Variants in FAM3B observed in about 807,000 individuals in gnomAD.
The protein encoded by FAM3B is FAM3 metabolism regulating signaling molecule B.
A neutral mutation model predicts 28.4 loss-of-function variants in FAM3B; 29 were observed. That is an observed-to-expected ratio of 1.02 (90% CI 0.76 to 1.39). The LOEUF (loss-of-function observed/expected upper bound fraction) is 1.39. Ranked by LOEUF, FAM3B falls within the 40% of genes most tolerant of loss-of-function variation. The pLI is 0.00. For missense variants in FAM3B, 266 were observed against 293.9 expected (o/e 0.91, Z 0.69); for synonymous variants, 91 against 103.0 (o/e 0.88, Z 0.71).
intron 2 of FAM3B, among the ~76,000 whole-genome samples, chr21:41,328,107 G>A (rs528915890): frequency 1.3e-5 from 2 of 152,332 alleles, no homozygotes; most frequent in Admixed American, 6.5e-5. Context: ...CTGTCTTGCT[G>A]AGAACAGCAC....
chr21:41,317,873 C>T (rs985951350), intron 1 of FAM3B, among the ~76,000 whole-genome samples: 4 of 152,062 alleles, frequency 2.6e-5, no homozygotes, highest in South Asian at 4.1e-4. Context: ...ATTTTTGCCT[C>T]GTGTAAAATA....
intron 1 of FAM3B, among the ~76,000 whole-genome samples, chr21:41,306,404 C>G (rs1226880362): frequency 6.6e-6 from 1 of 152,182 alleles, no homozygotes. Flanking sequence ...TTGCCCAGAT[C>G]CATCAGAGGA....
chr21:41,332,980 G>A (rs980698435), intron 2 of FAM3B, among the ~76,000 whole-genome samples: 2 of 150,720 alleles, frequency 1.3e-5, no homozygotes, highest in Non-Finnish European at 3.0e-5. Context: ...CTAACTTTGG[G>A]CTTAGTTTGT....
intron 1 of FAM3B, among the ~76,000 whole-genome samples, chr21:41,322,316 T>C (rs1056636585): frequency 3.9e-5 from 6 of 152,186 alleles, no homozygotes; most frequent in African/African-American, 1.2e-4. Context: ...CCACGGACTT[T>C]CTGTCACTGG....
chr21:41,332,130 G>A (rs1030941050), intron 2 of FAM3B, among the ~76,000 whole-genome samples: 4 of 152,178 alleles, frequency 2.6e-5, no homozygotes, highest in African/African-American at 7.2e-5. Context: ...TCATTTAAAA[G>A]TGTGTGGCAT....
intron 3 of FAM3B, among the ~76,000 whole-genome samples, chr21:41,342,989 A>T (rs1182278410): frequency 6.6e-6 from 1 of 152,256 alleles, no homozygotes; most frequent in Non-Finnish European, 1.5e-5. Flanking sequence ...TTAGCAGAAC[A>T]GGATGACCTG....
intron 3 of FAM3B, among the ~76,000 whole-genome samples, chr21:41,343,508 G>A (rs992963553): frequency 6.6e-6 from 1 of 152,144 alleles, no homozygotes; most frequent in African/African-American, 2.4e-5. Context: ...CTCTAAACCT[G>A]TCAAAAAGCA....
intron 3 of FAM3B, among the ~76,000 whole-genome samples, chr21:41,339,066 T>G (rs2088981325): frequency 6.6e-6 from 1 of 152,208 alleles, no homozygotes; most frequent in Admixed American, 6.5e-5. Context: ...AAAGCAGGTG[T>G]TGTTTCTGTT....
chr21:41,352,857 G>A (rs2525495), intron 7 of FAM3B, among the ~76,000 whole-genome samples: 138,913 of 152,156 alleles, frequency 0.91, 63,555 homozygotes, highest in African/African-American at 0.97. Flanking sequence ...CTGTTTGCAG[G>A]TGACATGATT....
rs1226618018 is a variant in FAM3B at position 41,322,931 on chromosome 21, A to C, written c.28A>C (p.Lys10Gln). Residue 10 changes from lysine (K) to glutamine (Q), a missense_variant, in exon 2 of 8, where the codon AAG becomes CAG. Lys to Gln is a moderately conservative substitution (Grantham distance 53). Transcript: ENST00000357985. ...TGGTGTCCTCTCTGCAGGCCTGCTC[A>C]AGGTGGTGTTCGTGGTCTTCGCCTC... Reference protein sequence around the residue: MRPLAGGLLKVVFVVFASLC... With the variant: MRPLAGGLLQVVFVVFASLC... 6.2e-7 allele frequency: 1 copy of C among 1,614,022 alleles called. No homozygotes were observed. Among genetic ancestry groups the C allele is most frequent in the Non-Finnish European group, 8.5e-7 (1 of 1,180,034 alleles).
At chr21:41,341,044 C>T (rs946781554) in intron 3 of FAM3B, among the ~76,000 whole-genome samples, 28 of 152,182 alleles carry the variant, frequency 1.8e-4, no homozygotes, top group African/African-American at 4.3e-4. Context: ...ACATTATACA[C>T]GTATACACTC....
chr21:41,325,618 G>A lies in FAM3B; in HGVS notation c.163+2552G>A, dbSNP rs908109076. On this transcript the variant is annotated intron_variant, in intron 2 of 7. Transcript: ENST00000357985. ...CAAGAACCTGTATTTATTTTAATTT[G>A]TTTTAAAACTTGGCTTCATACAGAG... 2.6e-5 allele frequency among the ~76,000 whole-genome samples: 4 copies of A among 152,228 alleles called. No homozygotes were observed. In the South Asian group the frequency reaches 6.2e-4, roughly 24 times the overall value.
intron 7 of FAM3B, among the ~76,000 whole-genome samples, chr21:41,354,928 A>C (rs2089153062): frequency 1.3e-5 from 2 of 152,224 alleles, no homozygotes; most frequent in Admixed American, 1.3e-4. Flanking sequence ...TTTGCAAATA[A>C]AGGACCTGAA....
intron 1 of FAM3B, among the ~76,000 whole-genome samples, chr21:41,317,347 C>G (rs1482056696): frequency 6.6e-6 from 1 of 151,804 alleles, no homozygotes; most frequent in African/African-American, 2.4e-5. Context: ...AGGGGCTGGC[C>G]GCTGCCAGTT....
upstream of FAM3B, among the ~76,000 whole-genome samples, chr21:41,315,398 G>A (rs1394455222): frequency 6.6e-6 from 1 of 152,130 alleles, no homozygotes; most frequent in Non-Finnish European, 1.5e-5. Context: ...ACTTCAAGAT[G>A]GCTAAGGTGG....
At chr21:41,348,195 TTTTGGCA>T (rs1486078255) in intron 6 of FAM3B, among the ~76,000 whole-genome samples, 21 of 152,228 alleles carry the variant, frequency 1.4e-4, no homozygotes, top group African/African-American at 4.6e-4. Context: ...AAGGGGGCAG[TTTTGGCA>T]TTTGCTTTCA....
At chr21:41,334,244 C>T (rs2088933187) in intron 2 of FAM3B, among the ~76,000 whole-genome samples, 1 of 152,172 alleles carries the variant, frequency 6.6e-6, no homozygotes, top group Admixed American at 6.5e-5. Flanking sequence ...AAGCAGGCTG[C>T]AGAAATTTGC....
At chr21:41,346,012 G>C in intron 5 of FAM3B, 1 of 218,590 alleles carries the variant, frequency 4.6e-6, no homozygotes, top group South Asian at 5.9e-5. Context: ...AAGAGAAAAA[G>C]CCTTTTTTTT....
chr21:41,311,251 AATATATATATATATATATATATATAT>A lies in FAM3B; in HGVS notation n.99+6962_99+6987del, dbSNP rs1168140562. Among the ~76,000 whole-genome samples the A allele has an allele frequency of 5.0e-3, 174 of 35,076 alleles. 3 individuals carry two copies. Among genetic ancestry groups the A allele is most frequent in the African/African-American group, 0.018 (152 of 8,346 alleles). The allele number at this position is 35,076 out of a possible 152,430, so 23.0% of individuals were successfully genotyped here. A position where few individuals can be genotyped will look rare whatever the true frequency, so the allele number is the denominator to read the frequency against. On this transcript the variant is annotated intron_variant and non_coding_transcript_variant, in intron 1 of 9. Transcript: ENST00000479810. Reference sequence around the variant, plus strand: ...CCTGTCTCTACAAAAAAAAAAAAAAAATATATATATATATATATATATATATATATATATATATATATATATGTATA... The same window carrying A: ...CCTGTCTCTACAAAAAAAAAAAAAAAATATATATATATATATATATGTATA...
Sources: allele counts gnomAD v4.1 joint callset (sites outside exome capture counted in the v4.1 genomes callset), GRCh38; gene constraint gnomAD v4.1.1; transcripts MANE v1.5; gene names NCBI Gene and HGNC (gene_info 2026-07-23, HGNC 2026-07-21).